The following KIFC3 variants were observed in gnomAD, a reference collection of about 807,000 sequenced individuals.
KIFC3 encodes kinesin family member C3, also known as kinesin-like protein KIFC3.
KIFC3 carries 60 observed loss-of-function variants against 101.8 expected under a neutral mutation model. The observed-to-expected ratio is 0.59, with a 90% confidence interval of 0.48 to 0.73. The LOEUF (loss-of-function observed/expected upper bound fraction) is 0.73. Ranked by LOEUF, KIFC3 falls within the 30% of genes least tolerant of loss-of-function variation. The pLI, the probability that KIFC3 is intolerant of heterozygous loss-of-function variation, is 0.00. For synonymous variants in KIFC3, 476 were observed against 482.7 expected, an observed-to-expected ratio of 0.99 and a Z score of 0.18; for missense variants, 966 against 1,137.1, an observed-to-expected ratio of 0.85 and a Z score of 2.16.
intron 1 of KIFC3, among the ~76,000 whole-genome samples, chr16:57,848,246 A>G (rs1302589332): frequency 6.6e-6 from 1 of 152,182 alleles, no homozygotes; most frequent in African/African-American, 2.4e-5. Flanking sequence ...GTTCAGATGA[A>G]CATTCATTTG....
intron 1 of KIFC3, among the ~76,000 whole-genome samples, chr16:57,812,038 G>C (rs1190298856): frequency 6.7e-6 from 1 of 148,312 alleles, no homozygotes; most frequent in East Asian, 2.0e-4. Flanking sequence ...GCGAGACCCC[G>C]TCTCTCTCTT....
At chr16:57,792,218 G>A (rs1020447118) in intron 3 of KIFC3, among the ~76,000 whole-genome samples, 2 of 152,150 alleles carry the variant, frequency 1.3e-5, no homozygotes, top group South Asian at 2.1e-4. Flanking sequence ...CGGCTTTCTT[G>A]GGGGGTGGGC....
upstream of KIFC3, among the ~76,000 whole-genome samples, chr16:57,805,829 C>T (rs1555626818): frequency 6.6e-6 from 1 of 152,176 alleles, no homozygotes; most frequent in African/African-American, 2.4e-5. Flanking sequence ...GCATGCGCCA[C>T]CACGCCCAGC....
intron 1 of KIFC3, among the ~76,000 whole-genome samples, chr16:57,852,428 A>G (rs2056077625): frequency 6.6e-6 from 1 of 152,188 alleles, no homozygotes; most frequent in South Asian, 2.1e-4. Context: ...AGAAGGCAGG[A>G]GGCCAGAGGT....
At chr16:57,852,812 A>T (rs963773380) in intron 1 of KIFC3, among the ~76,000 whole-genome samples, 3 of 152,316 alleles carry the variant, frequency 2.0e-5, no homozygotes, top group Admixed American at 6.5e-5. Flanking sequence ...TAGCGAAAAG[A>T]TTCTATATTC....
At chr16:57,799,702 C>A (rs2054595070) in intron 1 of KIFC3, among the ~76,000 whole-genome samples, 1 of 152,178 alleles carries the variant, frequency 6.6e-6, no homozygotes, top group African/African-American at 2.4e-5. Flanking sequence ...AAAGCTTGAG[C>A]AAGAGGAGAC....
At chr16:57,812,964 G>C (rs991859466) in intron 1 of KIFC3, among the ~76,000 whole-genome samples, 3 of 152,178 alleles carry the variant, frequency 2.0e-5, no homozygotes, top group South Asian at 4.1e-4. Flanking sequence ...GATCCATCAC[G>C]AGGGCTAAAC....
At chr16:57,775,525 C>T (rs140810964) in intron 3 of KIFC3, 15 of 986,968 alleles carry the variant, frequency 1.5e-5, no homozygotes, top group African/African-American at 8.7e-5. Context: ...CAGAGAGAAA[C>T]GGAGGCACCT....
In KIFC3 at chr16:57,812,818, C is replaced by A. The variant is rs563875759; in HGVS notation, c.109-14536G>T. Among the ~76,000 whole-genome samples the A allele has an allele frequency of 2.0e-5, 3 of 152,362 alleles. No homozygotes were observed. The South Asian group carries it at 6.2e-4, about 32-fold the overall frequency. ...CTCCAGAAAGTGTGAGTAAGGAATA[C>A]CTGCTGCCCCTGAGGGGCTCCCCCG... is the stretch of plus-strand genomic sequence containing the variant. On this transcript the variant is annotated intron_variant, in intron 1 of 2. Transcript: ENST00000563028.
chr16:57,788,618 C>T, intron 3 of KIFC3: 1 of 1,289,580 alleles, frequency 7.8e-7, no homozygotes, highest in Non-Finnish European at 1.0e-6. Flanking sequence ...CCCGGGCCTC[C>T]CGGGCCCGCC....
intron 1 of KIFC3, among the ~76,000 whole-genome samples, chr16:57,800,621 A>G (rs1555625199): frequency 9.9e-5 from 15 of 152,200 alleles, no homozygotes. Flanking sequence ...TCTGAGGGGC[A>G]GGGACAGGAG....
chr16:57,802,412 G>GGGCTCGGCCC lies in KIFC3; in HGVS notation c.-92_-83dup. ...GATCCAGGCGTCGCCGCAGCGCCCG[G>GGGCTCGGCCC]GGCTCGGCCCGGCCCGGCCCGCCGG... On this transcript the variant is annotated 5_prime_UTR_variant, in exon 1 of 20. Transcript: ENST00000445690. This position sits in a 1 kb window ranked among gnomAD's most constrained non-coding sequence, Gnocchi z 5.0. 1.0e-6 allele frequency: 1 copy of GGGCTCGGCCC among 983,090 alleles called. No individual in the cohort carries two copies. Among genetic ancestry groups the GGGCTCGGCCC allele is most frequent in the African/African-American group, 1.8e-5 (1 of 57,068 alleles). 60.9% of individuals were successfully genotyped at this position (983,090 alleles called of 1,614,324 possible).
intron 3 of KIFC3, among the ~76,000 whole-genome samples, chr16:57,790,078 C>CTTTTTTTTTTTT (rs782291808): frequency 2.1e-5 from 2 of 94,088 alleles, no homozygotes; most frequent in African/African-American, 8.5e-5. Context: ...TTCTTTCTTT[C>CTTTTTTTTTTTT]TTTTTTTTTT....
Position 57,759,760 on chromosome 16 carries a change from G to A in KIFC3, c.2444C>T (p.Pro815Leu). 1.2e-6 allele frequency: 2 copies of A among 1,611,306 alleles called. No individual in the cohort carries two copies. The highest frequency in any genetic ancestry group is 2.2e-5 in the South Asian group (2 of 90,684). Reference protein sequence around the residue: ...SAPSSGTSSRPGSIRRKLQPS... With the variant: ...SAPSSGTSSRLGSIRRKLQPS... ...CTGCAGCTTCCTCCGGATGGATCCAGGGCGGCTACTGGTCCCAGAGCTGGG... is the reference window on the plus strand; with the variant it reads ...CTGCAGCTTCCTCCGGATGGATCCAAGGCGGCTACTGGTCCCAGAGCTGGG... Residue 815 changes from proline to leucine, a missense_variant, in exon 18 of 20, where the codon CCT becomes CTT. Pro to Leu is a moderately conservative substitution (Grantham distance 98). Coordinates refer to ENST00000445690, the MANE Select transcript of KIFC3 (RefSeq NM_001130100.2).
In KIFC3 at chr16:57,759,720, A is replaced by G; in HGVS notation, c.2476+8T>C. On this transcript the variant is annotated splice_region_variant and intron_variant, in intron 18 of 19. Transcript: ENST00000445690. ...GACTCCCCACCCACACTGCCACTCCAGGCTCACCCGAGGGCTGCAGCTTCC... is the reference window on the plus strand; with the variant it reads ...GACTCCCCACCCACACTGCCACTCCGGGCTCACCCGAGGGCTGCAGCTTCC... 1 of 1,603,222 alleles carries G rather than the reference A, an allele frequency of 6.2e-7. No homozygotes were observed. Among genetic ancestry groups the G allele is most frequent in the Non-Finnish European group, 8.5e-7 (1 of 1,174,782 alleles).
At chr16:57,809,784 A>G (rs1391245412) in intron 1 of KIFC3, among the ~76,000 whole-genome samples, 1 of 152,064 alleles carries the variant, frequency 6.6e-6, no homozygotes, top group Non-Finnish European at 1.5e-5. Flanking sequence ...TTTTGACGAG[A>G]ACTACTTTTC....
At chr16:57,773,799 G>A (rs1555610255) in intron 3 of KIFC3, 1 of 152,214 alleles carries the variant, frequency 6.6e-6, no homozygotes, top group East Asian at 1.9e-4. Flanking sequence ...CATCAAACAA[G>A]TCTGTGTCAT....
intron 3 of KIFC3, chr16:57,775,832 G>C (rs2051986675): frequency 1.0e-6 from 1 of 985,504 alleles, no homozygotes; most frequent in Admixed American, 6.1e-5. Context: ...CGTCAATCCA[G>C]GGCTGAGGAC....
chr16:57,828,802 C>A (rs1195619435), intron 1 of KIFC3, among the ~76,000 whole-genome samples: 2 of 152,124 alleles, frequency 1.3e-5, no homozygotes, highest in Non-Finnish European at 2.9e-5. Context: ...CAAGCCCAGC[C>A]CCCTCCACGC....
Sources: gnomAD v4.1 joint callset for allele counts (sites outside exome capture counted in the v4.1 genomes callset) on GRCh38, gnomAD v4.1.1 for gene constraint, Gnocchi (gnomAD v3.1) non-coding constraint, MANE v1.5 for transcripts, NCBI Gene and HGNC (gene_info 2026-07-23, HGNC 2026-07-21) for gene names.